LITAF: variants seen among roughly 807,000 people sequenced by gnomAD.
The protein encoded by LITAF is lipopolysaccharide induced TNF factor, also known as lipopolysaccharide-induced tumor necrosis factor-alpha factor.
In LITAF, 9 loss-of-function variants were observed where a neutral mutation model predicts 14.5. The observed-to-expected ratio is 0.62, with a 90% CI of 0.37 to 1.08. The LOEUF (loss-of-function observed/expected upper bound fraction) is 1.08, where lower values mean the gene tolerates loss of function less well. Ranked by LOEUF, LITAF falls within the 50% of genes least tolerant of loss-of-function variation. The pLI, the probability that LITAF is intolerant of heterozygous loss-of-function variation, is 0.01. For missense variants in LITAF, 206 were observed against 213.4 expected, an observed-to-expected ratio of 0.97 and a Z score of 0.22; for synonymous variants, 98 against 88.2, an observed-to-expected ratio of 1.11 and a Z score of -0.62.
chr16:11,570,262 G>C (rs552109508), intron 1 of LITAF, among the ~76,000 whole-genome samples: 4 of 152,102 alleles, frequency 2.6e-5, no homozygotes, highest in Non-Finnish European at 4.4e-5. Context: ...AAAATACACC[G>C]GAACATTGGG....
chr16:11,630,570 C>CTT (rs66732953), intron 3 of LITAF, among the ~76,000 whole-genome samples: 2,006 of 114,206 alleles, frequency 0.018, 106 homozygotes, highest in African/African-American at 0.061. Flanking sequence ...CCCTGGCCAA[C>CTT]TTTTTTTTTT....
At chr16:11,578,954 C>T (rs558126709) in intron 1 of LITAF, among the ~76,000 whole-genome samples, 1 of 152,158 alleles carries the variant, frequency 6.6e-6, no homozygotes, top group Non-Finnish European at 1.5e-5. Flanking sequence ...TCTGGGAGGC[C>T]GAGGCGGGTG....
intron 3 of LITAF, among the ~76,000 whole-genome samples, chr16:11,603,933 G>C (rs748302464): frequency 2.6e-5 from 4 of 152,130 alleles, no homozygotes; most frequent in Non-Finnish European, 5.9e-5. Context: ...TGTAGTCCCA[G>C]CTACTCAGGA....
intron 3 of LITAF, among the ~76,000 whole-genome samples, chr16:11,608,211 G>GT (rs1185865005): frequency 1.3e-5 from 2 of 152,162 alleles, no homozygotes; most frequent in Non-Finnish European, 2.9e-5. Flanking sequence ...TGAGCGAGTG[G>GT]CCCAAGATCA....
At chr16:11,567,590 G>A (rs566728079) in intron 1 of LITAF, among the ~76,000 whole-genome samples, 1 of 152,286 alleles carries the variant, frequency 6.6e-6, no homozygotes, top group East Asian at 1.9e-4. Flanking sequence ...CTCCTTGGTG[G>A]AAGTTTATGG....
At chr16:11,588,684 G>A (rs759023474), upstream of LITAF, among the ~76,000 whole-genome samples, 100 of 152,118 alleles carry the variant, frequency 6.6e-4, no homozygotes, top group Admixed American at 6.6e-4. Flanking sequence ...ACCAAGGCTT[G>A]CAAAGGTACC....
chr16:11,595,205 G>A (rs974921077), intron 1 of LITAF, among the ~76,000 whole-genome samples: 2 of 152,100 alleles, frequency 1.3e-5, no homozygotes, highest in African/African-American at 2.4e-5. Flanking sequence ...CTCAAAAAAG[G>A]TCCATGCAGC....
chr16:11,574,829 G>A (rs1256203745), intron 1 of LITAF, among the ~76,000 whole-genome samples: 1 of 151,816 alleles, frequency 6.6e-6, no homozygotes, highest in Non-Finnish European at 1.5e-5. Context: ...TTGAGACAGA[G>A]TCTCATTCTG....
intron 3 of LITAF, among the ~76,000 whole-genome samples, chr16:11,607,868 T>C (rs2064962685): frequency 6.6e-6 from 1 of 152,104 alleles, no homozygotes; most frequent in African/African-American, 2.4e-5. Flanking sequence ...CCAGTAGCAC[T>C]CCTCCCCACA....
chr16:11,563,492 C>A (rs191755915), intron 1 of LITAF, among the ~76,000 whole-genome samples: 1 of 152,208 alleles, frequency 6.6e-6, no homozygotes, highest in African/African-American at 2.4e-5. Flanking sequence ...GGAAAATACA[C>A]CCTCAGTGGA....
intron 1 of LITAF, among the ~76,000 whole-genome samples, chr16:11,573,988 C>G (rs2064588533): frequency 6.7e-6 from 1 of 150,028 alleles, no homozygotes; most frequent in South Asian, 2.1e-4. Flanking sequence ...AGGCATGAGC[C>G]AAGGTGCCCG....
Position 11,549,813 on chromosome 16 carries a change from C to A in LITAF, c.378-68G>T, listed in dbSNP as rs753822473. 1.3e-5 allele frequency: 16 copies of A among 1,221,264 alleles called. No individual in the cohort carries two copies. Among genetic ancestry groups the A allele is most frequent in the Non-Finnish European group, 1.5e-5 (13 of 841,440 alleles). 75.7% of individuals were successfully genotyped at this position (1,221,264 alleles called of 1,614,324 possible). ...ACAGGGTGAACACTGGCTGCCAAAA[C>A]CATGTTCATGTCCTTCTTTGTAAAA... is the stretch of plus-strand genomic sequence containing the variant. On this transcript the variant is annotated intron_variant, in intron 3 of 3. Coordinates refer to ENST00000622633, the MANE Select transcript of LITAF (RefSeq NM_001136472.2). This position sits in a 1 kb window ranked among gnomAD's most constrained non-coding sequence, Gnocchi z 4.6.
At chr16:11,611,666 C>CTTTTTTTT (rs778921315) in intron 3 of LITAF, among the ~76,000 whole-genome samples, 1 of 142,682 alleles carries the variant, frequency 7.0e-6, no homozygotes, top group Admixed American at 7.1e-5. Flanking sequence ...TTTTCTTTTT[C>CTTTTTTTT]TTTTTTTTTT....
chr16:11,553,052 T>C lies in LITAF; in HGVS notation c.377+481A>G, dbSNP rs1008431958. Among the ~76,000 whole-genome samples the C allele has an allele frequency of 1.3e-5, 2 of 151,580 alleles. No homozygotes were observed. Among genetic ancestry groups the C allele is most frequent in the African/African-American group, 4.9e-5 (2 of 41,180 alleles). ...ATAGCTTGAACCTGGGAGGCGGAGG[T>C]TGCAGTGAGCCGGGATCGTGCTACT... On this transcript the variant is annotated intron_variant, in intron 3 of 3. Coordinates refer to ENST00000622633, the MANE Select transcript of LITAF (RefSeq NM_001136472.2). The surrounding 1 kb of genome is among the most constrained non-coding windows in gnomAD (Gnocchi z 7.7).
Position 11,617,585 on chromosome 16 carries a change from C to A in LITAF, c.85+15948G>T, listed in dbSNP as rs559981229. 2.6e-3 allele frequency among the ~76,000 whole-genome samples: 396 copies of A among 150,998 alleles called. 2 individuals carry two copies. Among genetic ancestry groups the A allele is most frequent in the African/African-American group, 9.2e-3 (377 of 41,134 alleles). On this transcript the variant is annotated intron_variant, in intron 3 of 3. Transcript: ENST00000574848. ...GGGACTACAGGCTCACACCACCACG[C>A]CCAGCTAATTTTTGTATTTTTAGTA...
chr16:11,593,295 G>T (rs1283609021), intron 1 of LITAF, among the ~76,000 whole-genome samples: 3 of 145,484 alleles, frequency 2.1e-5, no homozygotes, highest in Non-Finnish European at 4.5e-5. Flanking sequence ...GGCAGATGTT[G>T]CAGTGAGCCG....
At chr16:11,559,098 T>C (rs1449182791) in intron 1 of LITAF, among the ~76,000 whole-genome samples, 1 of 151,872 alleles carries the variant, frequency 6.6e-6, no homozygotes, top group East Asian at 1.9e-4. Context: ...ATTTTAAAAA[T>C]TAAAAAAATT....
At chr16:11,592,502 G>C (rs903476675) in intron 1 of LITAF, among the ~76,000 whole-genome samples, 3 of 151,712 alleles carry the variant, frequency 2.0e-5, no homozygotes, top group Admixed American at 6.6e-5. Flanking sequence ...CTGAGCCTGG[G>C]AGGTCAACAC....
At chr16:11,611,637 T>TTTTC (rs911381175) in intron 3 of LITAF, among the ~76,000 whole-genome samples, 3 of 151,898 alleles carry the variant, frequency 2.0e-5, no homozygotes, top group Admixed American at 6.6e-5. Flanking sequence ...TCTATCTTTT[T>TTTTC]TTTCTTTCTT....
Sources: gnomAD v4.1 joint callset for allele counts (sites outside exome capture counted in the v4.1 genomes callset) on GRCh38, gnomAD v4.1.1 for gene constraint, Gnocchi (gnomAD v3.1) non-coding constraint, MANE v1.5 for transcripts, NCBI Gene and HGNC (gene_info 2026-07-23, HGNC 2026-07-21) for gene names.